MCF2L: variants seen among roughly 807,000 people sequenced by gnomAD.
MCF2L encodes the protein MCF.2 cell line derived transforming sequence like.
A neutral mutation model predicts 153.4 loss-of-function variants in MCF2L; 97 were observed. That is an observed-to-expected ratio of 0.63 (90% CI 0.54 to 0.75). The LOEUF (loss-of-function observed/expected upper bound fraction) is 0.75, where lower values mean the gene tolerates loss of function less well. Among genes scored for constraint, MCF2L ranks in the 30% least tolerant of loss-of-function variants. The pLI is 0.00. For missense variants in MCF2L, 1,347 were observed against 1,495.2 expected (o/e 0.90, Z 1.64); for synonymous variants, 659 against 632.2 (o/e 1.04, Z -0.64).
upstream of MCF2L, among the ~76,000 whole-genome samples, chr13:112,968,141 G>A (rs1290849392): frequency 8.9e-6 from 1 of 112,116 alleles, no homozygotes; most frequent in Non-Finnish European, 1.9e-5. Context: ...GGGGAGTGAG[G>A]TGGGGGGGGG....
Position 112,958,959 on chromosome 13 carries a change from G to A in MCF2L, c.170-55804G>A, listed in dbSNP as rs557442655. Reference sequence around the variant, plus strand: ...CGGGAGGATGGCTGCACCTCCCCCCGGAGAGCACCGGGGTCCTGCAGGAAA... The same window carrying A: ...CGGGAGGATGGCTGCACCTCCCCCCAGAGAGCACCGGGGTCCTGCAGGAAA... On this transcript the variant is annotated intron_variant, in intron 2 of 29. Transcript: ENST00000375608. 3.6e-3 allele frequency among the ~76,000 whole-genome samples: 541 copies of A among 152,278 alleles called. 2 individuals carry two copies. Among genetic ancestry groups the A allele is most frequent in the Middle Eastern group, 0.02 (6 of 294 alleles).
At chr13:113,030,676 C>T (rs548520677) in intron 3 of MCF2L, among the ~76,000 whole-genome samples, 1 of 152,328 alleles carries the variant, frequency 6.6e-6, no homozygotes, top group East Asian at 1.9e-4. Flanking sequence ...AGGGCAGGTT[C>T]GGATCTCTGA....
At chr13:112,917,029 C>T in intron 2 of MCF2L, 1 of 469,632 alleles carries the variant, frequency 2.1e-6, no homozygotes, top group Non-Finnish European at 4.4e-6. Context: ...ATCGCCAAGT[C>T]TGAGTTCTCC....
intron 2 of MCF2L, among the ~76,000 whole-genome samples, chr13:113,015,651 C>A (rs1407478903): frequency 6.6e-6 from 1 of 152,198 alleles, no homozygotes; most frequent in Non-Finnish European, 1.5e-5. Context: ...CCAGGCCGGG[C>A]CTTGGGGTCT....
At chr13:112,953,978 CT>C in intron 2 of MCF2L, among the ~76,000 whole-genome samples, 1 of 152,256 alleles carries the variant, frequency 6.6e-6, no homozygotes, top group African/African-American at 2.4e-5. Context: ...GCCAACGGAA[CT>C]GTCTGCTCTG....
In MCF2L at chr13:113,007,419, C is replaced by A. The variant is rs576940982; in HGVS notation, c.80-7344C>A. 2.0e-5 allele frequency among the ~76,000 whole-genome samples: 3 copies of A among 152,340 alleles called. No individual in the cohort carries two copies. The South Asian group carries it at 6.2e-4, about 32-fold the overall frequency. The stretch of plus-strand genomic sequence containing the variant: ...CGTCCGTGTCACCTGGGAGCCTCAC[C>A]TTGAGACCCCTGCGTTGTGGTTCTG... On this transcript the variant is annotated intron_variant, in intron 1 of 29. Coordinates refer to ENST00000535094, the MANE Select transcript of MCF2L (RefSeq NM_001112732.3).
At chr13:113,021,916 A>C (rs985738689) in intron 2 of MCF2L, among the ~76,000 whole-genome samples, 6 of 152,168 alleles carry the variant, frequency 3.9e-5, no homozygotes, top group Non-Finnish European at 8.8e-5. Flanking sequence ...TGAGACCAGC[A>C]CCAGCTACCA....
At chr13:112,973,265 T>C (rs1299500133) in intron 1 of MCF2L, among the ~76,000 whole-genome samples, 3 of 152,190 alleles carry the variant, frequency 2.0e-5, no homozygotes, top group Non-Finnish European at 4.4e-5. Context: ...ATTTTTTAAA[T>C]GTGCTGAGGC....
At chr13:113,012,864 T>C (rs1594650044) in intron 1 of MCF2L, among the ~76,000 whole-genome samples, 1 of 63,526 alleles carries the variant, frequency 1.6e-5, no homozygotes, top group African/African-American at 6.0e-5. Flanking sequence ...GTGTGGACGG[T>C]GGACACTGAG....
chr13:113,079,826 G>C (rs200822343), intron 15 of MCF2L, among the ~76,000 whole-genome samples: 32 of 3,718 alleles, frequency 8.6e-3, no homozygotes, highest in Non-Finnish European at 0.011. Flanking sequence ...AATGGAGGAG[G>C]GTCCAGGCAG....
chr13:112,922,695 C>T (rs537433086), intron 2 of MCF2L, among the ~76,000 whole-genome samples: 3 of 152,274 alleles, frequency 2.0e-5, no homozygotes, highest in African/African-American at 4.8e-5. Context: ...ATTAGCCAGG[C>T]GTGGTGGCAC....
rs79223615 is a variant in MCF2L, at chr13:112,924,725, G to A, written c.169+22354G>A. Among the ~76,000 whole-genome samples the A allele has an allele frequency of 3.0e-3, 452 of 152,256 alleles. 9 individuals carry two copies. The East Asian group carries it at 0.036, about 12-fold the overall frequency. ...ACACATCATCTTTTTCTTTCTCAGG[G>A]TGCTAGACAAGTTGATCATAAAACC... On this transcript the variant is annotated intron_variant, in intron 2 of 29. Coordinates refer to the MCF2L transcript ENST00000375608.
At chr13:112,927,526 G>C (rs935979884) in intron 2 of MCF2L, among the ~76,000 whole-genome samples, 2 of 152,100 alleles carry the variant, frequency 1.3e-5, no homozygotes, top group Non-Finnish European at 2.9e-5. Flanking sequence ...TGTTCTACCA[G>C]CAAGTGCAAG....
chr13:112,981,003 C>G (rs530459886), intron 1 of MCF2L, among the ~76,000 whole-genome samples: 3 of 152,254 alleles, frequency 2.0e-5, no homozygotes, highest in African/African-American at 7.2e-5. Context: ...TGATACGTCC[C>G]CTTCCTGTGC....
chr13:112,904,215 G>C lies in MCF2L; in HGVS notation c.169+1844G>C, dbSNP rs2081148915. Among the ~76,000 whole-genome samples, 1 of 152,068 alleles carries C rather than the reference G, an allele frequency of 6.6e-6. No individual in the cohort carries two copies. Among genetic ancestry groups the C allele is most frequent in the Non-Finnish European group, 1.5e-5 (1 of 67,994 alleles). On this transcript the variant is annotated intron_variant, in intron 2 of 29. Transcript: ENST00000375608. This position sits in a 1 kb window ranked among gnomAD's most constrained non-coding sequence, Gnocchi z 4.2. ...TGTTAGGGGTAGGGGTAGCGTTTGG[G>C]GTAAGGCAGATTTAGGACTAGGGTT...
rs188417053 is a variant in MCF2L at position 112,921,319 on chromosome 13, A to C, written c.169+18948A>C. Reference sequence around the variant, plus strand: ...AGAGGTTGCAAGTTTGATGCCTAACAACGCAGAATTCAGAGCAAAAGCCTT... The same window carrying C: ...AGAGGTTGCAAGTTTGATGCCTAACCACGCAGAATTCAGAGCAAAAGCCTT... On this transcript the variant is annotated intron_variant, in intron 2 of 29. Coordinates refer to the MCF2L transcript ENST00000375608. Among the ~76,000 whole-genome samples the C allele has an allele frequency of 3.4e-4, 52 of 152,348 alleles. 1 individual carries two copies. The East Asian group carries it at 9.2e-3, about 27-fold the overall frequency.
In MCF2L at chr13:113,096,418, C is replaced by G. The variant is rs1411073380; in HGVS notation, c.3123C>G (p.Pro1041=). Reference sequence around the variant, plus strand: ...TGGCGGACCACGAGAAGGGAGGCCCCGATGCGCTGCGCGTGAGGAGCGGGG... The same window carrying G: ...TGGCGGACCACGAGAAGGGAGGCCCGGATGCGCTGCGCGTGAGGAGCGGGG... ...TVVADHEKGG[P]DALRVRSGDV... Residue 1041 remains proline, a synonymous_variant, in exon 28 of 30, where the codon CCC becomes CCG. Coordinates refer to ENST00000535094, the MANE Select transcript of MCF2L (RefSeq NM_001112732.3). 1.9e-6 allele frequency: 3 copies of G among 1,595,412 alleles called. No homozygotes were observed. The highest frequency in any genetic ancestry group is 2.6e-6 in the Non-Finnish European group (3 of 1,172,368).
upstream of MCF2L, chr13:112,968,668 C>G (rs1198367575): frequency 2.7e-5 from 40 of 1,498,190 alleles, no homozygotes; most frequent in Non-Finnish European, 3.4e-5. Context: ...GCGCGCTGGG[C>G]TGCTGCGGCC....
At chr13:113,078,216 T>C (rs907375947) in intron 13 of MCF2L, 147 bp from the exon 14 acceptor site, 9 of 660,288 alleles carry the variant, frequency 1.4e-5, no homozygotes, top group Admixed American at 2.6e-5. Flanking sequence ...CCCTGTGGCC[T>C]CAGAGGCCAA....
Sources: allele counts gnomAD v4.1 joint callset (sites outside exome capture counted in the v4.1 genomes callset), GRCh38; gene constraint gnomAD v4.1.1; non-coding constraint Gnocchi (gnomAD v3.1); transcripts MANE v1.5; gene names NCBI Gene and HGNC (gene_info 2026-07-23, HGNC 2026-07-21).